The following CDO1 variants were observed in gnomAD, a reference collection of about 807,000 sequenced individuals.
The protein encoded by CDO1 is cysteine dioxygenase type 1, also known as cysteine dioxygenase, type I.
CDO1 carries 19 observed loss-of-function variants against 24.5 expected under a neutral mutation model. The observed-to-expected ratio is 0.77, with a 90% CI of 0.54 to 1.14. The LOEUF is 1.14. Ranked by LOEUF, CDO1 falls within the 50% of genes most tolerant of loss-of-function variation. The pLI, the probability that CDO1 is intolerant of heterozygous loss-of-function variation, is 0.00. For synonymous variants in CDO1, 91 were observed against 87.0 expected (o/e 1.05, Z -0.26); for missense variants, 244 against 244.8 (o/e 1.00, Z 0.02).
chr5:115,812,658 G>A (rs1025693639), intron 2 of CDO1, among the ~76,000 whole-genome samples: 14 of 152,218 alleles, frequency 9.2e-5, no homozygotes, highest in Non-Finnish European at 1.8e-4. Context: ...ATTCATTTTG[G>A]GGGCTGGTTT....
At chr5:115,815,733 T>A (rs1760401795) in intron 1 of CDO1, among the ~76,000 whole-genome samples, 1 of 152,184 alleles carries the variant, frequency 6.6e-6, no homozygotes, top group South Asian at 2.1e-4. Flanking sequence ...CTTCTCCCGA[T>A]GGCTGATGTA....
At position 115,816,298 on chromosome 5, in the gene CDO1, GCAC is replaced by G. The variant is rs1323193536; in HGVS notation, c.97_99del (p.Val33del). On this transcript the variant is annotated inframe_deletion, in exon 1 of 5. Transcript: ENST00000250535. The stretch of plus-strand genomic sequence containing the variant: ...CTCTCGTAGGCTTCCATGATGGCCT[GCAC>G]CTCCTCTACATTGACCTCATCGCCG... 1.9e-6 allele frequency: 3 copies of G among 1,614,060 alleles called. No individual in the cohort carries two copies. The highest frequency in any genetic ancestry group is 2.5e-6 in the Non-Finnish European group (3 of 1,180,036).
chr5:115,811,567 T>C (rs1760191170), intron 2 of CDO1, among the ~76,000 whole-genome samples: 1 of 151,886 alleles, frequency 6.6e-6, no homozygotes, highest in Non-Finnish European at 1.5e-5. Flanking sequence ...TAATGAACAG[T>C]TTTTTTAACT....
chr5:115,809,201 C>A (rs998297735), intron 3 of CDO1, among the ~76,000 whole-genome samples: 6 of 152,140 alleles, frequency 3.9e-5, no homozygotes, highest in African/African-American at 1.4e-4. Context: ...GACACCCATC[C>A]TTTAGAGAAG....
At chr5:115,810,029 C>T (rs373136597) in intron 3 of CDO1, among the ~76,000 whole-genome samples, 1 of 152,174 alleles carries the variant, frequency 6.6e-6, no homozygotes, top group Non-Finnish European at 1.5e-5. Flanking sequence ...TCTTAAAGAT[C>T]TGATCTATTT....
rs976167254 is a variant in CDO1 at position 115,807,786 on chromosome 5, C to T, written c.404-1268G>A. Reference sequence around the variant, plus strand: ...ATAACCTGTTAATGTTTTCCTGAGTCGAAGGACACGAATTCCCAGATTTAA... The same window carrying T: ...ATAACCTGTTAATGTTTTCCTGAGTTGAAGGACACGAATTCCCAGATTTAA... On this transcript the variant is annotated intron_variant, in intron 3 of 4. Coordinates refer to ENST00000250535, the MANE Select transcript of CDO1 (RefSeq NM_001801.3). 1.3e-4 allele frequency among the ~76,000 whole-genome samples: 19 copies of T among 151,596 alleles called. 1 individual carries two copies. The highest frequency in any genetic ancestry group is 2.9e-4 in the African/African-American group (12 of 41,226).
In CDO1 at chr5:115,816,390, T is replaced by C; in HGVS notation, c.8A>G (p.Gln3Arg). The change falls in exon 1 of 5, where the codon CAG becomes CGG. Residue 3 changes from glutamine (Q) to arginine (R), a missense_variant. By Grantham distance (43) the Gln-to-Arg change is conservative. Coordinates refer to ENST00000250535, the MANE Select transcript of CDO1 (RefSeq NM_001801.3). MEQTEVLKPRTLA... is the reference protein window; with the variant it reads MERTEVLKPRTLA... ...GGTCCGTGGCTTCAGCACTTCGGTC[T>C]GTTCCATCTCGTGGGGAGCTGGCTG... The C allele has an allele frequency of 6.2e-7, 1 of 1,613,114 alleles. No homozygotes were observed. The highest frequency in any genetic ancestry group is 8.5e-7 in the Non-Finnish European group (1 of 1,179,988).
intron 1 of CDO1, among the ~76,000 whole-genome samples, chr5:115,815,450 G>A (rs541975309): frequency 6.6e-6 from 1 of 151,796 alleles, no homozygotes; most frequent in African/African-American, 2.4e-5. Context: ...GCAAGGATAA[G>A]ATAAATCAGA....
At chr5:115,815,469 G>A (rs969104134) in intron 1 of CDO1, among the ~76,000 whole-genome samples, 1 of 152,054 alleles carries the variant, frequency 6.6e-6, no homozygotes, top group African/African-American at 2.4e-5. Flanking sequence ...GATCATTTGG[G>A]GGCTGAAAAA....
intron 1 of CDO1, chr5:115,813,880 A>G: frequency 6.5e-6 from 1 of 152,786 alleles, no homozygotes; most frequent in Non-Finnish European, 1.5e-5. Context: ...GCAAACACAT[A>G]CACACAGACA....
intron 1 of CDO1, among the ~76,000 whole-genome samples, chr5:115,813,608 A>C (rs1056339941): frequency 8.1e-5 from 12 of 148,362 alleles, no homozygotes; most frequent in African/African-American, 2.8e-4. Flanking sequence ...GGTTGAGGCA[A>C]GAATGTTGCT....
intron 4 of CDO1, 27 bp downstream of exon 4, chr5:115,806,322 T>C: frequency 6.4e-7 from 1 of 1,567,694 alleles, no homozygotes; most frequent in Non-Finnish European, 8.7e-7. Flanking sequence ...CTACAGAGCA[T>C]TTAAACCTAG....
chr5:115,814,841 G>T (rs968711592), intron 1 of CDO1, among the ~76,000 whole-genome samples: 1 of 152,142 alleles, frequency 6.6e-6, no homozygotes, highest in African/African-American at 2.4e-5. Flanking sequence ...TTCATTGCCT[G>T]CCATTCCTCA....
chr5:115,815,155 C>T (rs965184452), intron 1 of CDO1, among the ~76,000 whole-genome samples: 1 of 152,164 alleles, frequency 6.6e-6, no homozygotes, highest in Admixed American at 6.5e-5. Flanking sequence ...AACCTGCTCC[C>T]AAGAAAAACA....
chr5:115,810,350 G>C (rs1357963635), intron 3 of CDO1, among the ~76,000 whole-genome samples: 1 of 151,942 alleles, frequency 6.6e-6, no homozygotes, highest in African/African-American at 2.4e-5. Flanking sequence ...AAAAAAACTT[G>C]CTTTGCCAAA....
rs75757359 is a variant in CDO1, at chr5:115,812,093, T to C, written c.249-778A>G. 2.8e-3 allele frequency among the ~76,000 whole-genome samples: 419 copies of C among 152,300 alleles called. 1 individual carries two copies. The highest frequency in any genetic ancestry group is 9.2e-3 in the African/African-American group (381 of 41,574). On this transcript the variant is annotated intron_variant, in intron 2 of 4. Transcript: ENST00000250535. The stretch of plus-strand genomic sequence containing the variant: ...CTATTGAATTTTATTAATTTATATA[T>C]GTACCATAAAAAGAATTTGTTTCCT...
chr5:115,805,264 A>C lies in CDO1; in HGVS notation c.*169T>G. ...TGGGACTTTTCTTCTGCAGTAGCTGAGGGCACTATTTGCTTACTTAATGCC... is the reference window on the plus strand; with the variant it reads ...TGGGACTTTTCTTCTGCAGTAGCTGCGGGCACTATTTGCTTACTTAATGCC... On this transcript the variant is annotated 3_prime_UTR_variant, in exon 5 of 5. Coordinates refer to ENST00000250535, the MANE Select transcript of CDO1 (RefSeq NM_001801.3). The C allele has an allele frequency of 1.8e-6, 1 of 542,900 alleles. No homozygotes were observed. The highest frequency in any genetic ancestry group is 3.3e-6 in the Non-Finnish European group (1 of 305,120). 33.6% of individuals were successfully genotyped at this position (542,900 alleles called of 1,614,324 possible). A position where few individuals can be genotyped will look rare whatever the true frequency, so the allele number is the denominator to read the frequency against.
intron 3 of CDO1, among the ~76,000 whole-genome samples, 198 bp downstream of exon 3, chr5:115,810,961 CAT>C (rs1230585528): frequency 6.6e-6 from 1 of 152,132 alleles, no homozygotes; most frequent in Non-Finnish European, 1.5e-5. Context: ...GATCTGCATG[CAT>C]ATGTTTTCAA....
chr5:115,814,696 G>A (rs1760350255), intron 1 of CDO1, among the ~76,000 whole-genome samples: 1 of 152,176 alleles, frequency 6.6e-6, no homozygotes, highest in Non-Finnish European at 1.5e-5. Flanking sequence ...TTGTTCTAAA[G>A]ATTAAAGATT....
Sources: gnomAD v4.1 joint callset for allele counts (sites outside exome capture counted in the v4.1 genomes callset) on GRCh38, gnomAD v4.1.1 for gene constraint, MANE v1.5 for transcripts, NCBI Gene and HGNC (gene_info 2026-07-23, HGNC 2026-07-21) for gene names.